MYO6: variants seen among roughly 807,000 people sequenced by gnomAD.
The protein encoded by MYO6 is unconventional myosin-VI.
A neutral mutation model predicts 178.7 loss-of-function variants in MYO6; 74 were observed. The observed-to-expected ratio is 0.41, with a 90% CI of 0.34 to 0.50. The LOEUF (loss-of-function observed/expected upper bound fraction) is 0.50, where lower values mean the gene tolerates loss of function less well. Among genes scored for constraint, MYO6 ranks in the 20% least tolerant of loss-of-function variants. The pLI is 0.09. For synonymous variants in MYO6, 477 were observed against 504.6 expected (o/e 0.95, Z 0.73); for missense variants, 1,330 against 1,547.4 (o/e 0.86, Z 2.36).
chr6:75,892,887 T>G (rs564740706), intron 28 of MYO6, among the ~76,000 whole-genome samples, 197 bp downstream of exon 28: 3 of 152,212 alleles, frequency 2.0e-5, no homozygotes, highest in Non-Finnish European at 4.4e-5. Context: ...TTCATCATAT[T>G]ATTAAATTGT....
rs765420412 is a variant in MYO6, at chr6:75,914,127, A to G, written c.3504A>G (p.Gln1168=). Residue 1168 remains glutamine, a synonymous_variant, in exon 34 of 35, where the codon CAA becomes CAG. Transcript: ENST00000369977. ...RQREIEMNRQ[Q]RFFRIPFIRP... is the part of the protein sequence containing the mutation. ...GGGAGATTGAAATGAACCGACAGCA[A>G]CGCTTCTTCCGCATCCCATTCATCC... The G allele has an allele frequency of 9.9e-6, 16 of 1,614,154 alleles. No individual in the cohort carries two copies. The East Asian group carries it at 3.3e-4, about 34-fold the overall frequency.
At chr6:75,831,109 CTT>C (rs1483579024) in intron 5 of MYO6, among the ~76,000 whole-genome samples, 1 of 152,196 alleles carries the variant, frequency 6.6e-6, no homozygotes, top group Non-Finnish European at 1.5e-5. Flanking sequence ...TTCTCAGCCT[CTT>C]TTATTTTGAA....
chr6:75,872,698 TGTA>T (rs1435535300), intron 19 of MYO6, among the ~76,000 whole-genome samples: 3 of 152,208 alleles, frequency 2.0e-5, no homozygotes, highest in African/African-American at 7.2e-5. Context: ...AAATCTAAAA[TGTA>T]GTATTTTTGT....
intron 8 of MYO6, 116 bp from the exon 9 acceptor site, chr6:75,841,098 T>G (rs1241324838): frequency 9.7e-7 from 1 of 1,031,004 alleles, no homozygotes; most frequent in Non-Finnish European, 1.4e-6. Context: ...TTGGTGAATA[T>G]TATAACCTCT....
Position 75,915,687 on chromosome 6 carries a change from G to T in MYO6, c.*675G>T, listed in dbSNP as rs1323173039. On this transcript the variant is annotated 3_prime_UTR_variant, in exon 35 of 35. Coordinates refer to ENST00000369977, the MANE Select transcript of MYO6 (RefSeq NM_004999.4). ...GCTTTTCTTTGCTAGCACAATGTGTGTTGCTGTCAGAATATTCTTTTTATA... is the reference window on the plus strand; with the variant it reads ...GCTTTTCTTTGCTAGCACAATGTGTTTTGCTGTCAGAATATTCTTTTTATA... 1 of 152,630 alleles carries T rather than the reference G, an allele frequency of 6.6e-6. No homozygotes were observed. 9.5% of individuals were successfully genotyped at this position (152,630 alleles called of 1,614,324 possible). A position where few individuals can be genotyped will look rare whatever the true frequency, so the allele number is the denominator to read the frequency against.
chr6:75,820,271 G>GT (rs1455055713), intron 2 of MYO6, among the ~76,000 whole-genome samples: 1 of 152,144 alleles, frequency 6.6e-6, no homozygotes, highest in Admixed American at 6.6e-5. Flanking sequence ...TCTTCTGCAA[G>GT]TATTAAGTCC....
chr6:75,772,632 C>A (rs1405670165), intron 1 of MYO6, among the ~76,000 whole-genome samples: 4 of 152,202 alleles, frequency 2.6e-5, no homozygotes, highest in African/African-American at 9.6e-5. Context: ...GAGAAGTCAG[C>A]TCTGAAAAGA....
chr6:75,860,895 C>T, intron 14 of MYO6, 128 bp from the exon 15 acceptor site: 1 of 738,144 alleles, frequency 1.4e-6, no homozygotes, highest in Non-Finnish European at 2.3e-6. Flanking sequence ...TTTGGAAAAC[C>T]ATTTAAGGCT....
chr6:75,840,746 T>C lies in MYO6; in HGVS notation c.651+64T>C. 4 of 1,215,144 alleles carry C rather than the reference T, an allele frequency of 3.3e-6. No individual in the cohort carries two copies. The South Asian group carries it at 3.7e-5, about 11-fold the overall frequency. 75.3% of individuals were successfully genotyped at this position (1,215,144 alleles called of 1,614,324 possible). A position where few individuals can be genotyped will look rare whatever the true frequency, so the allele number is the denominator to read the frequency against. Reference sequence around the variant, plus strand: ...GTGTTTGTGAAAATGCAAGGGTCAGTTGGTGCTGTATTTGCACTTAATGGT... The same window carrying C: ...GTGTTTGTGAAAATGCAAGGGTCAGCTGGTGCTGTATTTGCACTTAATGGT... On this transcript the variant is annotated intron_variant, in intron 8 of 34. Transcript: ENST00000369977.
chr6:75,884,720 G>A lies in MYO6; in HGVS notation c.2417-1284G>A, dbSNP rs72654792. On this transcript the variant is annotated intron_variant, in intron 23 of 34. Transcript: ENST00000369977. ...TGAAATCATAGGGGGTCAAAATTGA[G>A]TTTTTCTTGCTTGCTTCTGTTCCTG... 0.012 allele frequency among the ~76,000 whole-genome samples: 1,899 copies of A among 152,326 alleles called. 67 individuals are homozygous for A. The East Asian group carries it at 0.13, about 11-fold the overall frequency.
chr6:75,828,776 A>G (rs1302739874), intron 4 of MYO6, among the ~76,000 whole-genome samples, 163 bp downstream of exon 4: 2 of 152,142 alleles, frequency 1.3e-5, no homozygotes, highest in African/African-American at 4.8e-5. Context: ...TTTCTAATTT[A>G]CAACTCGAAC....
At chr6:75,812,766 G>A (rs1770821835) in intron 1 of MYO6, among the ~76,000 whole-genome samples, 1 of 151,902 alleles carries the variant, frequency 6.6e-6, no homozygotes, top group African/African-American at 2.4e-5. Flanking sequence ...CCATGTTGTT[G>A]TAAATGACAG....
At chr6:75,793,992 A>C (rs1399808583) in intron 1 of MYO6, among the ~76,000 whole-genome samples, 1 of 152,226 alleles carries the variant, frequency 6.6e-6, no homozygotes, top group African/African-American at 2.4e-5. Context: ...TCCATGAGAA[A>C]GAAAAAAGCA....
intron 1 of MYO6, among the ~76,000 whole-genome samples, chr6:75,816,145 T>C (rs1028497049): frequency 7.9e-5 from 12 of 152,210 alleles, no homozygotes; most frequent in African/African-American, 2.9e-4. Flanking sequence ...GAGCAATAGG[T>C]GAACAACTGT....
intron 30 of MYO6, among the ~76,000 whole-genome samples, chr6:75,903,689 A>G (rs1353052393): frequency 4.6e-5 from 7 of 151,988 alleles, no homozygotes; most frequent in Non-Finnish European, 1.0e-4. Flanking sequence ...CCAGTTTGCC[A>G]GTCTGTGTCT....
intron 1 of MYO6, among the ~76,000 whole-genome samples, chr6:75,770,923 ATGT>A (rs913051713): frequency 6.6e-6 from 1 of 151,800 alleles, no homozygotes; most frequent in Non-Finnish European, 1.5e-5. Flanking sequence ...AAATATTTTG[ATGT>A]TGTTGACGAG....
intron 1 of MYO6, among the ~76,000 whole-genome samples, chr6:75,778,529 G>A (rs1766620327): frequency 6.6e-6 from 1 of 151,908 alleles, no homozygotes; most frequent in African/African-American, 2.4e-5. Flanking sequence ...CCCGGGAGGC[G>A]GAGCTTGCAT....
intron 11 of MYO6, among the ~76,000 whole-genome samples, chr6:75,853,647 T>C (rs890387626): frequency 6.6e-6 from 1 of 152,130 alleles, no homozygotes; most frequent in Non-Finnish European, 1.5e-5. Flanking sequence ...ATTTTTCACA[T>C]TTTTTTCTCA....
chr6:75,759,330 G>A (rs970778052), intron 1 of MYO6, among the ~76,000 whole-genome samples: 2 of 152,162 alleles, frequency 1.3e-5, no homozygotes, highest in African/African-American at 4.8e-5. Flanking sequence ...CACATGAAGA[G>A]GCTATTTGCA....
Sources: allele counts gnomAD v4.1 joint callset (sites outside exome capture counted in the v4.1 genomes callset), GRCh38; gene constraint gnomAD v4.1.1; transcripts MANE v1.5; gene names NCBI Gene and HGNC (gene_info 2026-07-23, HGNC 2026-07-21).